PTPRN2: variants seen among roughly 807,000 people sequenced by gnomAD.
The protein encoded by PTPRN2 is receptor-type tyrosine-protein phosphatase N2.
Under a neutral mutation model 118.8 loss-of-function variants are expected in PTPRN2, and 74 were observed. That is an observed-to-expected ratio of 0.62 (90% CI 0.52 to 0.76). PTPRN2 has a LOEUF of 0.76. PTPRN2 is among the 30% of genes least tolerant of loss of function. PTPRN2 has a pLI of 0.00. For synonymous variants in PTPRN2, 641 were observed against 608.0 expected (o/e 1.05, Z -0.80); for missense variants, 1,481 against 1,394.4 (o/e 1.06, Z -0.99).
At chr7:158,150,875 G>A (rs1820950110) in intron 6 of PTPRN2, among the ~76,000 whole-genome samples, 1 of 151,800 alleles carries the variant, frequency 6.6e-6, no homozygotes, top group Non-Finnish European at 1.5e-5. Flanking sequence ...CCAACCCAAC[G>A]TGCTGGTGGA....
chr7:158,155,703 TCACCGTCAACAC>T (rs1821733504), intron 6 of PTPRN2, among the ~76,000 whole-genome samples: 4 of 135,966 alleles, frequency 2.9e-5, no homozygotes, highest in African/African-American at 1.1e-4. Flanking sequence ...AGCACTATCA[TCACCGTCAACAC>T]CATCATCACC....
At chr7:157,852,703 T>A (rs530673473) in intron 12 of PTPRN2, among the ~76,000 whole-genome samples, 1 of 152,078 alleles carries the variant, frequency 6.6e-6, no homozygotes, top group East Asian at 1.9e-4. Flanking sequence ...ACCCCGTCTC[T>A]ACTAAAAACA....
rs900708560 is a variant in PTPRN2 at position 157,987,375 on chromosome 7, C to T, written c.1724-88638G>A. On this transcript the variant is annotated intron_variant, in intron 11 of 22. Transcript: ENST00000389418. The surrounding 1 kb of genome is among the most constrained non-coding windows in gnomAD (Gnocchi z 4.3). ...CAGTCACTAGTGGGGGTGAGACAAC[C>T]GGTCACTAACGGGGGCAATATGACC... Among the ~76,000 whole-genome samples, 4 of 150,850 alleles carry T rather than the reference C, an allele frequency of 2.7e-5. No individual in the cohort carries two copies. The highest frequency in any genetic ancestry group is 9.8e-5 in the African/African-American group (4 of 40,922).
At chr7:158,247,996 C>G (rs561095653) in intron 3 of PTPRN2, among the ~76,000 whole-genome samples, 4 of 152,104 alleles carry the variant, frequency 2.6e-5, no homozygotes, top group Non-Finnish European at 5.9e-5. Flanking sequence ...TTTATCCCCC[C>G]ATTATTAGGG....
At chr7:158,355,192 A>C (rs1808294112) in intron 2 of PTPRN2, among the ~76,000 whole-genome samples, 1 of 152,216 alleles carries the variant, frequency 6.6e-6, no homozygotes, top group Admixed American at 6.5e-5. Context: ...ATTCAGAAAG[A>C]ACAAAAATAC....
At chr7:158,285,159 G>A (rs1799687382) in intron 3 of PTPRN2, among the ~76,000 whole-genome samples, 1 of 152,230 alleles carries the variant, frequency 6.6e-6, no homozygotes, top group African/African-American at 2.4e-5. Flanking sequence ...TTTGGGCCAT[G>A]CTGCAAATGT....
intron 2 of PTPRN2, among the ~76,000 whole-genome samples, chr7:158,323,282 C>G (rs532905756): frequency 6.6e-6 from 1 of 152,164 alleles, no homozygotes; most frequent in Non-Finnish European, 1.5e-5. Context: ...CTTCACTGTG[C>G]AGACAGAAGG....
intron 11 of PTPRN2, among the ~76,000 whole-genome samples, chr7:157,971,610 G>C (rs1212236316): frequency 6.6e-6 from 1 of 151,962 alleles, no homozygotes; most frequent in Non-Finnish European, 1.5e-5. Context: ...TTGTAAAACT[G>C]CCACCCTGTT....
At chr7:158,224,021 C>T (rs1030602091) in intron 3 of PTPRN2, among the ~76,000 whole-genome samples, 4 of 152,086 alleles carry the variant, frequency 2.6e-5, no homozygotes, top group Non-Finnish European at 5.9e-5. Flanking sequence ...TATTTAAAAC[C>T]ACTCAAAGAA....
chr7:158,289,506 T>TA (rs1206607538), intron 3 of PTPRN2, among the ~76,000 whole-genome samples: 4 of 152,226 alleles, frequency 2.6e-5, no homozygotes, highest in African/African-American at 9.6e-5. Flanking sequence ...CTAGAATTTT[T>TA]AAAAAATAAT....
chr7:158,294,092 C>T (rs1800302308), intron 3 of PTPRN2, among the ~76,000 whole-genome samples: 1 of 152,244 alleles, frequency 6.6e-6, no homozygotes, highest in Admixed American at 6.5e-5. Context: ...GGCTCGTCTA[C>T]ACCAGCATCA....
Position 157,787,076 on chromosome 7 carries a change from G to A in PTPRN2, c.1789-104139C>T, listed in dbSNP as rs183319433. Among the ~76,000 whole-genome samples the A allele has an allele frequency of 5.0e-5, 7 of 139,276 alleles. No individual in the cohort carries two copies. The South Asian group carries it at 1.2e-3, about 23-fold the overall frequency. The allele number at this position is 139,276 out of a possible 152,430, so 91.4% of individuals were successfully genotyped here. A position where few individuals can be genotyped will look rare whatever the true frequency, so the allele number is the denominator to read the frequency against. On this transcript the variant is annotated intron_variant, in intron 12 of 22. Coordinates refer to ENST00000389418, the MANE Select transcript of PTPRN2 (RefSeq NM_002847.5). The surrounding 1 kb of genome is among the most constrained non-coding windows in gnomAD (Gnocchi z 5.3). ...CCCGGGAGGCGGACGCGGGTGCGGCGGGGGACGCGGGGGTGGCTGCCCGGG... is the reference window on the plus strand; with the variant it reads ...CCCGGGAGGCGGACGCGGGTGCGGCAGGGGACGCGGGGGTGGCTGCCCGGG...
At chr7:157,724,627 C>T (rs1329479065) in intron 12 of PTPRN2, among the ~76,000 whole-genome samples, 1 of 152,212 alleles carries the variant, frequency 6.6e-6, no homozygotes, top group African/African-American at 2.4e-5. Flanking sequence ...TACGTGTGCT[C>T]AGAACACTCA....
intron 2 of PTPRN2, among the ~76,000 whole-genome samples, chr7:158,448,817 C>T (rs183507730): frequency 8.7e-4 from 133 of 152,328 alleles, no homozygotes; most frequent in Middle Eastern, 3.4e-3. Flanking sequence ...TGTCCAGGTG[C>T]TCCAGCCCCA....
chr7:158,091,758 ATGGG>A (rs1258374956), intron 10 of PTPRN2, among the ~76,000 whole-genome samples: 1 of 140,510 alleles, frequency 7.1e-6, no homozygotes, highest in Non-Finnish European at 1.5e-5. Flanking sequence ...TAGGTGATGG[ATGGG>A]TAGAGAGATG....
At chr7:158,044,316 C>G (rs1483079410) in intron 11 of PTPRN2, among the ~76,000 whole-genome samples, 1 of 152,256 alleles carries the variant, frequency 6.6e-6, no homozygotes, top group Non-Finnish European at 1.5e-5. Context: ...GCGGCCACAG[C>G]CCTGAGGCAG....
intron 3 of PTPRN2, among the ~76,000 whole-genome samples, chr7:158,268,758 G>A (rs1164887100): frequency 2.9e-5 from 4 of 139,990 alleles, no homozygotes; most frequent in African/African-American, 8.1e-5. Flanking sequence ...CCGCACACAG[G>A]GCGGGTGTGA....
intron 2 of PTPRN2, among the ~76,000 whole-genome samples, chr7:158,431,144 A>G (rs1316127489): frequency 6.6e-6 from 1 of 152,246 alleles, no homozygotes; most frequent in Non-Finnish European, 1.5e-5. Flanking sequence ...TGACAGATCA[A>G]AGAAAAGATC....
At chr7:158,069,033 C>T (rs746956889) in intron 11 of PTPRN2, among the ~76,000 whole-genome samples, 13 of 152,150 alleles carry the variant, frequency 8.5e-5, no homozygotes, top group East Asian at 3.9e-4. Context: ...CTCTGTAAGC[C>T]GTGGGCTTTG....
Sources: gnomAD v4.1 joint callset for allele counts (sites outside exome capture counted in the v4.1 genomes callset) on GRCh38, gnomAD v4.1.1 for gene constraint, Gnocchi (gnomAD v3.1) non-coding constraint, MANE v1.5 for transcripts, NCBI Gene and HGNC (gene_info 2026-07-23, HGNC 2026-07-21) for gene names.